The following SCN1A variants were observed in gnomAD, a reference collection of about 807,000 sequenced individuals.
SCN1A encodes sodium voltage-gated channel alpha subunit 1, also known as sodium channel protein type 1 subunit alpha.
A neutral mutation model predicts 193.7 loss-of-function variants in SCN1A; 13 were observed. That is an observed-to-expected ratio of 0.07 (90% CI 0.04 to 0.11). The LOEUF is 0.11. Ranked by LOEUF, SCN1A falls within the 10% of genes least tolerant of loss-of-function variation. The pLI is 1.00. For synonymous variants in SCN1A, 781 were observed against 843.6 expected, an observed-to-expected ratio of 0.93 and a Z score of 1.29; for missense variants, 1,432 against 2,451.1, an observed-to-expected ratio of 0.58 and a Z score of 8.78.
chr2:166,079,547 T>C (rs1324485979), intron 2 of SCN1A, among the ~76,000 whole-genome samples: 1 of 150,576 alleles, frequency 6.6e-6, no homozygotes, highest in African/African-American at 2.4e-5. Context: ...TTTTAACATA[T>C]GTGATCATTA....
At chr2:166,007,577 T>TAAAATAAA (rs1691827890) in intron 23 of SCN1A, among the ~76,000 whole-genome samples, 3 of 151,476 alleles carry the variant, frequency 2.0e-5, no homozygotes, top group Non-Finnish European at 4.4e-5. Context: ...CAATAAATGT[T>TAAAATAAA]TAAAAGCTGT....
intron 4 of SCN1A, chr2:166,060,811 A>C (rs1490236833): frequency 2.0e-5 from 3 of 152,436 alleles, no homozygotes. Context: ...CGGAGGTTGC[A>C]GTGAGCCAAG....
chr2:166,098,850 G>T (rs957388171), intron 2 of SCN1A, among the ~76,000 whole-genome samples: 1 of 152,136 alleles, frequency 6.6e-6, no homozygotes, highest in African/African-American at 2.4e-5. Context: ...ACTGATGAAA[G>T]AAATCAGAGA....
At chr2:166,102,893 T>C (rs528019810) in intron 2 of SCN1A, among the ~76,000 whole-genome samples, 7 of 152,288 alleles carry the variant, frequency 4.6e-5, no homozygotes, top group South Asian at 2.1e-4. Flanking sequence ...AGCATGTCCT[T>C]TGAAGCAACA....
chr2:166,128,518 T>C (rs752457917), upstream of SCN1A, among the ~76,000 whole-genome samples: 3 of 152,180 alleles, frequency 2.0e-5, no homozygotes, highest in Admixed American at 2.0e-4. Flanking sequence ...TTTCATATTA[T>C]AGTGAACAGC....
intron 19 of SCN1A, among the ~76,000 whole-genome samples, chr2:166,018,854 G>C (rs1047084486): frequency 6.6e-6 from 1 of 152,070 alleles, no homozygotes; most frequent in Non-Finnish European, 1.5e-5. Flanking sequence ...GCGCTTGTAA[G>C]TACCCATATT....
intron 4 of SCN1A, among the ~76,000 whole-genome samples, chr2:166,062,690 T>G (rs1232449802): frequency 6.6e-6 from 1 of 152,118 alleles, no homozygotes; most frequent in Non-Finnish European, 1.5e-5. Flanking sequence ...GTTCAAAGAC[T>G]AGCTAAGATA....
chr2:166,101,912 A>G (rs1316139967), intron 2 of SCN1A, among the ~76,000 whole-genome samples: 1 of 152,208 alleles, frequency 6.6e-6, no homozygotes, highest in African/African-American at 2.4e-5. Context: ...CAACAAAAAC[A>G]AAACTATCAA....
At chr2:166,121,636 A>T (rs1407064384) in intron 2 of SCN1A, among the ~76,000 whole-genome samples, 2 of 152,216 alleles carry the variant, frequency 1.3e-5, no homozygotes, top group Non-Finnish European at 2.9e-5. Context: ...ACTCATTATT[A>T]TCCAGTAGGA....
At chr2:166,014,100 G>A (rs758382712) in intron 20 of SCN1A, among the ~76,000 whole-genome samples, 3 of 151,556 alleles carry the variant, frequency 2.0e-5, no homozygotes, top group Non-Finnish European at 4.4e-5. Flanking sequence ...ATGCCCTAGC[G>A]GACAGTATTT....
In SCN1A at chr2:165,986,666, C is replaced by T. The variant is rs913321752; in HGVS notation, c.*4579G>A. 2.8e-5 allele frequency: 4 copies of T among 142,688 alleles called. No individual in the cohort carries two copies. The highest frequency in any genetic ancestry group is 2.2e-4 in the Admixed American group (3 of 13,632). 8.8% of individuals were successfully genotyped at this position (142,688 alleles called of 1,614,324 possible). A position where few individuals can be genotyped will look rare whatever the true frequency, so the allele number is the denominator to read the frequency against. On this transcript the variant is annotated 3_prime_UTR_variant, in exon 29 of 29. Coordinates refer to ENST00000674923, the MANE Select transcript of SCN1A (RefSeq NM_001165963.4). ...CATACAAAATATGATAGTGTGAACA[C>T]GCAGACATAGGCACTTCAGTAACAC...
At chr2:166,062,731 T>C (rs1037354576) in intron 4 of SCN1A, among the ~76,000 whole-genome samples, 4 of 152,140 alleles carry the variant, frequency 2.6e-5, no homozygotes, top group South Asian at 2.1e-4. Flanking sequence ...TAAACAAATA[T>C]TGTGTAGCTT....
rs557158687 is a variant in SCN1A at position 166,072,566 on chromosome 2, AAATT to A, written c.264+788_264+791del. Among the ~76,000 whole-genome samples, 249 of 152,312 alleles carry A rather than the reference AAATT, an allele frequency of 1.6e-3. 2 individuals carry two copies. The Middle Eastern group carries it at 0.024, about 15-fold the overall frequency. Reference sequence around the variant, plus strand: ...TTACAGGTAACAAAATTTCTTCAGGAAATTAATTGATTTGTTGTTTATAACATGA... The same window carrying A: ...TTACAGGTAACAAAATTTCTTCAGGAAATTGATTTGTTGTTTATAACATGA... On this transcript the variant is annotated intron_variant, in intron 4 of 28. Transcript: ENST00000674923.
intron 28 of SCN1A, 50 bp downstream of exon 28, chr2:165,994,096 C>G (rs1689661483): frequency 7.2e-7 from 1 of 1,382,418 alleles, no homozygotes; most frequent in Admixed American, 1.9e-5. Flanking sequence ...TTGATTGTTT[C>G]AGCTTTCACT....
At position 166,126,934 on chromosome 2, in the gene SCN1A, T is replaced by G. The variant is rs1023358392; in HGVS notation, c.-152A>C. ...TCTTTAAACACATACCTCAAACAGG[T>G]AGGAGTCAGGAAATCCATGATAGCA... On this transcript the variant is annotated 5_prime_UTR_variant, in exon 2 of 29. Coordinates refer to ENST00000674923, the MANE Select transcript of SCN1A (RefSeq NM_001165963.4). 17 of 152,164 alleles carry G rather than the reference T, an allele frequency of 1.1e-4. No individual in the cohort carries two copies. The highest frequency in any genetic ancestry group is 1.6e-4 in the Non-Finnish European group (11 of 68,046). The allele number at this position is 152,164 out of a possible 1,614,324, so 9.4% of individuals were successfully genotyped here. A position where few individuals can be genotyped will look rare whatever the true frequency, so the allele number is the denominator to read the frequency against.
intron 19 of SCN1A, among the ~76,000 whole-genome samples, chr2:166,035,787 C>G (rs1053472867): frequency 6.6e-6 from 1 of 152,142 alleles, no homozygotes; most frequent in Non-Finnish European, 1.5e-5. Flanking sequence ...CTTGTAATCA[C>G]GTGGTTGACT....
intron 1 of SCN1A, among the ~76,000 whole-genome samples, chr2:166,136,760 A>G (rs1691875545): frequency 6.6e-6 from 1 of 152,234 alleles, no homozygotes. Flanking sequence ...AGCCAATGCC[A>G]TTCCAGGCAA....
intron 2 of SCN1A, among the ~76,000 whole-genome samples, chr2:166,102,499 TC>T (rs1468752695): frequency 2.9e-4 from 24 of 82,592 alleles, no homozygotes; most frequent in Admixed American, 9.2e-4. Flanking sequence ...AGATTACATC[TC>T]AAAAAAAAAA....
chr2:166,064,418 T>G (rs1479185236), intron 4 of SCN1A, among the ~76,000 whole-genome samples: 1 of 152,202 alleles, frequency 6.6e-6, no homozygotes, highest in Non-Finnish European at 1.5e-5. Flanking sequence ...CACAAACCAT[T>G]GGCCAAATTA....
Sources: gnomAD v4.1 joint callset for allele counts (sites outside exome capture counted in the v4.1 genomes callset) on GRCh38, gnomAD v4.1.1 for gene constraint, MANE v1.5 for transcripts, NCBI Gene and HGNC (gene_info 2026-07-23, HGNC 2026-07-21) for gene names.